APP: variants seen among roughly 807,000 people sequenced by gnomAD.
The protein encoded by APP is amyloid-beta precursor protein.
Under a neutral mutation model 101.4 loss-of-function variants are expected in APP, and 31 were observed. The observed-to-expected ratio is 0.31, with a 90% confidence interval of 0.23 to 0.41. APP has a LOEUF of 0.41. Ranked by LOEUF, APP falls within the 10% of genes least tolerant of loss-of-function variation. APP has a pLI of 1.00. For missense variants in APP, 839 were observed against 1,003.7 expected, an observed-to-expected ratio of 0.84 and a Z score of 2.22; for synonymous variants, 366 against 364.4, an observed-to-expected ratio of 1.00 and a Z score of -0.05.
At chr21:26,003,892 A>AGGAAT (rs1211120343) in intron 6 of APP, among the ~76,000 whole-genome samples, 3 of 152,250 alleles carry the variant, frequency 2.0e-5, no homozygotes, top group African/African-American at 7.2e-5. Context: ...GGACTGGGAA[A>AGGAAT]GGAATGGAAC....
At chr21:26,038,668 GTAGGAGAA>G in intron 5 of APP, among the ~76,000 whole-genome samples, 1 of 152,110 alleles carries the variant, frequency 6.6e-6, no homozygotes, top group Non-Finnish European at 1.5e-5. Context: ...GGAGGCTGAG[GTAGGAGAA>G]TTGCTTGAAC....
chr21:25,912,896 ATGTCACCAAAGATTCAC>A (rs1256249717), intron 13 of APP, among the ~76,000 whole-genome samples: 2 of 136,088 alleles, frequency 1.5e-5, no homozygotes, highest in Non-Finnish European at 3.2e-5. Flanking sequence ...GTCTTCTCTT[ATGTCACCAAAGATTCAC>A]CATGTTTTTC....
chr21:26,118,912 A>G (rs574437364), intron 1 of APP, among the ~76,000 whole-genome samples: 1 of 152,106 alleles, frequency 6.6e-6, no homozygotes, highest in Non-Finnish European at 1.5e-5. Flanking sequence ...AAATATATAT[A>G]TAGTATTTGA....
chr21:25,927,326 G>C (rs45532644), intron 13 of APP, among the ~76,000 whole-genome samples: 1,246 of 73,230 alleles, frequency 0.017, 18 homozygotes, highest in African/African-American at 0.064. Flanking sequence ...TGAATACGAT[G>C]GCTACGTGAA....
chr21:25,915,818 C>CT (rs1290177607), intron 13 of APP, among the ~76,000 whole-genome samples: 3 of 152,224 alleles, frequency 2.0e-5, no homozygotes, highest in Non-Finnish European at 4.4e-5. Context: ...TCTCTTTTCT[C>CT]TGTTACACTG....
chr21:25,993,749 G>A (rs1302946022), intron 8 of APP, among the ~76,000 whole-genome samples: 1 of 152,130 alleles, frequency 6.6e-6, no homozygotes, highest in African/African-American at 2.4e-5. Context: ...TCTAGAACAG[G>A]ATTCTCAACC....
rs35504500 is a variant in APP, at chr21:25,909,266, C to CAA, written c.1909+2473_1909+2474dup. On this transcript the variant is annotated intron_variant, in intron 14 of 17. Transcript: ENST00000346798. ...TGGGCGACAGAGCGAGACTCCGTCT[C>CAA]AAAAAAAAAAAAAAAAAAAAAAATT... is the stretch of plus-strand genomic sequence containing the variant. Among the ~76,000 whole-genome samples, 430 of 75,004 alleles carry CAA rather than the reference C, an allele frequency of 5.7e-3. 4 individuals carry two copies. Among genetic ancestry groups the CAA allele is most frequent in the African/African-American group, 9.0e-3 (198 of 22,076 alleles). The allele number at this position is 75,004 out of a possible 152,430, so 49.2% of individuals were successfully genotyped here. A position where few individuals can be genotyped will look rare whatever the true frequency, so the allele number is the denominator to read the frequency against.
intron 2 of APP, among the ~76,000 whole-genome samples, chr21:26,105,544 G>A (rs1026470948): frequency 1.2e-4 from 18 of 150,672 alleles, no homozygotes; most frequent in Admixed American, 1.1e-3. Flanking sequence ...AAGGCAAAAC[G>A]AACACTTTCC....
chr21:26,016,939 G>GTT (rs1568860911), intron 6 of APP, among the ~76,000 whole-genome samples: 2 of 6,432 alleles, frequency 3.1e-4, no homozygotes, highest in African/African-American at 5.4e-4. Flanking sequence ...GTGGGGGGCG[G>GTT]GGGGCGGGGG....
In APP at chr21:25,975,058, A is replaced by G. The variant is rs1451574807; in HGVS notation, c.1458+12T>C. ...TGACCTGAAGTGTGAACTCGGCTGC[A>G]GCGAGACCTACCCGAGGAGGAACAG... On this transcript the variant is annotated intron_variant, in intron 11 of 17. Transcript: ENST00000346798. 1 of 1,613,980 alleles carries G rather than the reference A, an allele frequency of 6.2e-7. No individual in the cohort carries two copies. The highest frequency in any genetic ancestry group is 1.3e-5 in the African/African-American group (1 of 75,032).
chr21:26,120,121 T>C (rs899304051), intron 1 of APP, among the ~76,000 whole-genome samples: 1 of 152,226 alleles, frequency 6.6e-6, no homozygotes, highest in Non-Finnish European at 1.5e-5. Context: ...ATGGTTATTG[T>C]TCTAAGCCAC....
At chr21:26,036,857 C>G (rs1294165149) in intron 5 of APP, among the ~76,000 whole-genome samples, 2 of 152,104 alleles carry the variant, frequency 1.3e-5, no homozygotes, top group South Asian at 2.1e-4. Context: ...GAAGAGAAAT[C>G]AGTATATTAA....
At chr21:25,956,936 CTCTTTAATGTGAGA>C (rs1389524078) in intron 11 of APP, among the ~76,000 whole-genome samples, 5 of 152,300 alleles carry the variant, frequency 3.3e-5, no homozygotes, top group African/African-American at 1.2e-4. Flanking sequence ...TCTTACTCCC[CTCTTTAATGTGAGA>C]TCCACAGGGC....
intron 1 of APP, among the ~76,000 whole-genome samples, chr21:26,159,839 C>A (rs769050648): frequency 6.6e-6 from 1 of 152,102 alleles, no homozygotes; most frequent in Non-Finnish European, 1.5e-5. Context: ...TACAATATGA[C>A]CCAGAAAATT....
At chr21:25,932,017 T>C (rs2040170517) in intron 13 of APP, among the ~76,000 whole-genome samples, 1 of 152,220 alleles carries the variant, frequency 6.6e-6, no homozygotes, top group South Asian at 2.1e-4. Context: ...AATGAACAGT[T>C]CCACCCATGA....
At chr21:26,053,483 T>C in intron 3 of APP, 135 bp from the exon 4 acceptor site, 1 of 682,480 alleles carries the variant, frequency 1.5e-6, no homozygotes, top group Admixed American at 2.2e-5. Context: ...ATCAAGACCC[T>C]ACTACCTTTA....
chr21:26,110,227 A>G (rs2146200348), intron 2 of APP, among the ~76,000 whole-genome samples: 1 of 152,232 alleles, frequency 6.6e-6, no homozygotes, highest in African/African-American at 2.4e-5. Context: ...GGTGGATCAC[A>G]ATGTCAGTAG....
intron 10 of APP, among the ~76,000 whole-genome samples, chr21:25,975,550 C>G (rs1347308191): frequency 6.7e-6 from 1 of 148,922 alleles, no homozygotes; most frequent in Admixed American, 6.6e-5. Flanking sequence ...AAAAATCCCT[C>G]TCTTACTAAC....
intron 1 of APP, among the ~76,000 whole-genome samples, chr21:26,150,414 G>A (rs1437435448): frequency 6.6e-6 from 1 of 152,056 alleles, no homozygotes; most frequent in African/African-American, 2.4e-5. Flanking sequence ...GCTTGTCCTG[G>A]GTCTGCTATT....
Sources: allele counts gnomAD v4.1 joint callset (sites outside exome capture counted in the v4.1 genomes callset), GRCh38; gene constraint gnomAD v4.1.1; transcripts MANE v1.5; gene names NCBI Gene and HGNC (gene_info 2026-07-23, HGNC 2026-07-21).